Variants in MCF2L2 observed in about 807,000 individuals in gnomAD.
MCF2L2 encodes probable guanine nucleotide exchange factor MCF2L2.
A neutral mutation model predicts 150.2 loss-of-function variants in MCF2L2; 102 were observed. That is an observed-to-expected ratio of 0.68 (90% CI 0.58 to 0.80). MCF2L2 has a LOEUF of 0.80. Among genes scored for constraint, MCF2L2 ranks in the 30% least tolerant of loss-of-function variants. MCF2L2 has a pLI of 0.00. For missense variants in MCF2L2, 1,256 were observed against 1,372.8 expected, an observed-to-expected ratio of 0.91 and a Z score of 1.34; for synonymous variants, 465 against 491.3, an observed-to-expected ratio of 0.95 and a Z score of 0.71.
intron 3 of MCF2L2, chr3:183,379,080 C>T: frequency 2.0e-6 from 1 of 509,070 alleles, no homozygotes; most frequent in South Asian, 2.9e-5. Flanking sequence ...CTCCTGTGTG[C>T]ACAAGAGAGT....
In MCF2L2 at chr3:183,294,615, GTA is replaced by G. The variant is rs546545081; in HGVS notation, c.1675+683_1675+684del. ...TATATGTGTATGTGTGTGTGTGTGT[GTA>G]TATATATATATATATATTTTTTTTT... On this transcript the variant is annotated intron_variant, in intron 13 of 29. Transcript: ENST00000328913. 7.1e-4 allele frequency among the ~76,000 whole-genome samples: 90 copies of G among 126,368 alleles called. 1 individual carries two copies. Among genetic ancestry groups the G allele is most frequent in the Admixed American group, 1.4e-3 (17 of 12,270 alleles). The allele number at this position is 126,368 out of a possible 152,430, so 82.9% of individuals were successfully genotyped here.
chr3:183,272,746 GTTGA>G (rs753071286), intron 15 of MCF2L2: 2 of 1,055,812 alleles, frequency 1.9e-6, no homozygotes, highest in Non-Finnish European at 2.3e-6. Context: ...ATTTTTATTA[GTTGA>G]TTGATTAATG....
chr3:183,311,719 T>C lies in MCF2L2; in HGVS notation c.807A>G (p.Gln269=). The change falls in exon 8 of 30, where the codon CAA becomes CAG. Residue 269 remains glutamine (Q), a synonymous_variant. Coordinates refer to ENST00000328913, the MANE Select transcript of MCF2L2 (RefSeq NM_015078.4). ...KQGTTLLSCI[Q]EPATKCPNSK... ...TGTTGGGACATTTGGTTGCTGGTTCTTGGATGCATGACAGCAATGTGGTCC... is the reference window on the plus strand; with the variant it reads ...TGTTGGGACATTTGGTTGCTGGTTCCTGGATGCATGACAGCAATGTGGTCC... The C allele has an allele frequency of 6.2e-7, 1 of 1,614,166 alleles. No individual in the cohort carries two copies. Among genetic ancestry groups the C allele is most frequent in the Non-Finnish European group, 8.5e-7 (1 of 1,179,980 alleles).
intron 1 of MCF2L2, among the ~76,000 whole-genome samples, chr3:183,424,972 AG>A (rs1716084735): frequency 6.6e-6 from 1 of 152,202 alleles, no homozygotes; most frequent in Non-Finnish European, 1.5e-5. Flanking sequence ...CAAACAGTGA[AG>A]AGCTTGTATC....
intron 1 of MCF2L2, among the ~76,000 whole-genome samples, chr3:183,391,269 G>T (rs6801711): frequency 0.74 from 110,374 of 148,830 alleles, 41,005 homozygotes; most frequent in East Asian, 0.88. Context: ...GCCTTTTTTT[G>T]TTTTTTTCTG....
chr3:183,203,611 G>A (rs996736552), intron 25 of MCF2L2, among the ~76,000 whole-genome samples: 4 of 152,300 alleles, frequency 2.6e-5, no homozygotes, highest in Non-Finnish European at 5.9e-5. Flanking sequence ...CTTCAAGCAC[G>A]CTAATGACGC....
At chr3:183,403,488 T>C (rs759247230) in intron 1 of MCF2L2, among the ~76,000 whole-genome samples, 2 of 152,184 alleles carry the variant, frequency 1.3e-5, no homozygotes, top group Non-Finnish European at 2.9e-5. Context: ...GCTTGGAAAG[T>C]AGAAGAGGCA....
chr3:183,306,285 G>A (rs180715710), intron 10 of MCF2L2, among the ~76,000 whole-genome samples: 1 of 152,206 alleles, frequency 6.6e-6, no homozygotes, highest in East Asian at 1.9e-4. Flanking sequence ...TATTTTTTTA[G>A]TTTATATACC....
intron 5 of MCF2L2, among the ~76,000 whole-genome samples, chr3:183,328,381 C>G (rs762937699): frequency 3.3e-5 from 5 of 152,110 alleles, no homozygotes; most frequent in Admixed American, 3.3e-4. Flanking sequence ...GATGCCCAGA[C>G]TTAAAATTAG....
At chr3:183,358,234 A>G (rs1450094753) in intron 3 of MCF2L2, among the ~76,000 whole-genome samples, 1 of 152,206 alleles carries the variant, frequency 6.6e-6, no homozygotes, top group Non-Finnish European at 1.5e-5. Context: ...CAGAGGTTGC[A>G]GTGAACCAAG....
chr3:183,291,566 GA>G (rs1283559991), intron 13 of MCF2L2, among the ~76,000 whole-genome samples: 2 of 152,222 alleles, frequency 1.3e-5, no homozygotes, highest in Non-Finnish European at 2.9e-5. Context: ...AGTCAGAGCT[GA>G]AATTCCAGCT....
intron 15 of MCF2L2, among the ~76,000 whole-genome samples, chr3:183,231,932 G>A (rs1207047321): frequency 1.3e-5 from 2 of 152,138 alleles, no homozygotes; most frequent in South Asian, 2.1e-4. Context: ...CAGAATTTAA[G>A]ACGGTCCCCA....
Position 183,379,377 on chromosome 3 carries a change from C to A in MCF2L2, c.195G>T (p.Thr65=), listed in dbSNP as rs772403994. The A allele has an allele frequency of 1.9e-6, 3 of 1,610,552 alleles. No individual in the cohort carries two copies. Among genetic ancestry groups the A allele is most frequent in the Non-Finnish European group, 2.5e-6 (3 of 1,178,626 alleles). ...GTTTGAACCCCGAAAACTCTGGGAA[C>A]GTGATGATGGGGGCGCCATCCTCCC... ...GRGEDGAPII[T]FPEFSGFKHI... Residue 65 remains threonine, a synonymous_variant, in exon 3 of 30, where the codon ACG becomes ACT. Coordinates refer to ENST00000328913, the MANE Select transcript of MCF2L2 (RefSeq NM_015078.4).
At chr3:183,364,748 C>T (rs1509014) in intron 3 of MCF2L2, among the ~76,000 whole-genome samples, 41,801 of 152,000 alleles carry the variant, frequency 0.28, 8,118 homozygotes, top group African/African-American at 0.55. Flanking sequence ...CCCTAAGAAA[C>T]GACTTTGCAC....
chr3:183,205,933 C>T lies in MCF2L2; in HGVS notation c.2827G>A (p.Asp943Asn). 1.9e-6 allele frequency: 3 copies of T among 1,613,974 alleles called. No individual in the cohort carries two copies. The South Asian group carries it at 3.3e-5, about 18-fold the overall frequency. The change falls in exon 25 of 30, where the codon GAC becomes AAC. Residue 943 changes from aspartate to asparagine, a missense_variant. Asp to Asn is a conservative substitution (Grantham distance 23). Coordinates refer to ENST00000328913, the MANE Select transcript of MCF2L2 (RefSeq NM_015078.4). ...ILQAASKEIR[D>N]CWFSEISKLL... ...TTACTTATTTCTGAAAACCAACAGT[C>T]TCTGATTTCTTTTGAAGCTGCCTGC... is the stretch of plus-strand genomic sequence containing the variant.
chr3:183,270,230 A>C lies in MCF2L2; in HGVS notation c.1862+6642T>G, dbSNP rs755289892. On this transcript the variant is annotated intron_variant, in intron 15 of 29. Transcript: ENST00000328913. The surrounding 1 kb of genome is among the most constrained non-coding windows in gnomAD (Gnocchi z 4.5). ...CACTGGAGGGAGAAGAACTACAAAG[A>C]AAACTGGCTTGGGAAGATCAAAGGT... is the stretch of plus-strand genomic sequence containing the variant. 2 of 1,614,210 alleles carry C rather than the reference A, an allele frequency of 1.2e-6. No individual in the cohort carries two copies. Among genetic ancestry groups the C allele is most frequent in the Non-Finnish European group, 1.7e-6 (2 of 1,180,032 alleles).
intron 4 of MCF2L2, 55 bp from the exon 5 acceptor site, chr3:183,338,974 C>G (rs570726571): frequency 5.2e-6 from 8 of 1,552,232 alleles, no homozygotes; most frequent in African/African-American, 2.7e-5. Context: ...ATATTCGTTA[C>G]CAGGGTCTAC....
At chr3:183,371,606 T>C (rs925503578) in intron 3 of MCF2L2, among the ~76,000 whole-genome samples, 7 of 151,566 alleles carry the variant, frequency 4.6e-5, no homozygotes, top group Non-Finnish European at 1.0e-4. Context: ...TAGCTGGGAT[T>C]ACAGGCTTAT....
At chr3:183,369,628 C>T (rs1560043950) in intron 3 of MCF2L2, among the ~76,000 whole-genome samples, 2 of 152,164 alleles carry the variant, frequency 1.3e-5, no homozygotes, top group South Asian at 4.1e-4. Context: ...CCTCTAGACC[C>T]TCTCTTGAAG....
Sources: allele counts gnomAD v4.1 joint callset (sites outside exome capture counted in the v4.1 genomes callset), GRCh38; gene constraint gnomAD v4.1.1; non-coding constraint Gnocchi (gnomAD v3.1); transcripts MANE v1.5; gene names NCBI Gene and HGNC (gene_info 2026-07-23, HGNC 2026-07-21).